SHISA7: variants seen among roughly 807,000 people sequenced by gnomAD.
SHISA7 encodes the protein protein shisa-7.
A neutral mutation model predicts 23.9 loss-of-function variants in SHISA7; 6 were observed. The ratio of observed to expected loss-of-function variants is 0.25; its 90% CI spans 0.14 to 0.50. SHISA7 has a LOEUF of 0.50. SHISA7 is among the 20% of genes least tolerant of loss of function. SHISA7 has a pLI of 0.98. For missense variants in SHISA7, 671 were observed against 801.1 expected (o/e 0.84, Z 1.96); for synonymous variants, 386 against 398.3 (o/e 0.97, Z 0.37).
At position 55,431,596 on chromosome 19, in the gene SHISA7, G is replaced by A. The variant is rs1300776794; in HGVS notation, c.*1560C>T. 6.6e-6 allele frequency: 1 copy of A among 152,194 alleles called. No homozygotes were observed. The highest frequency in any genetic ancestry group is 1.5e-5 in the Non-Finnish European group (1 of 68,042). 9.4% of individuals were successfully genotyped at this position (152,194 alleles called of 1,614,324 possible). A position where few individuals can be genotyped will look rare whatever the true frequency, so the allele number is the denominator to read the frequency against. Reference sequence around the variant, plus strand: ...GGGGAAGGATTCCATCCTCAGACATGGGTAACACTTGACCCCGGGTGTGGT... The same window carrying A: ...GGGGAAGGATTCCATCCTCAGACATAGGTAACACTTGACCCCGGGTGTGGT... On this transcript the variant is annotated 3_prime_UTR_variant, in exon 4 of 4. Coordinates refer to ENST00000376325, the MANE Select transcript of SHISA7 (RefSeq NM_001145176.2).
chr19:55,434,939 G>A (rs1324240550), intron 3 of SHISA7, among the ~76,000 whole-genome samples: 1 of 136,460 alleles, frequency 7.3e-6, no homozygotes, highest in African/African-American at 2.8e-5. Flanking sequence ...TATGTGGTGT[G>A]TGTATGGTGT....
intron 3 of SHISA7, among the ~76,000 whole-genome samples, chr19:55,434,305 GTGTGTGGTGT>G (rs1488015444): frequency 4.8e-3 from 493 of 103,296 alleles, no homozygotes; most frequent in African/African-American, 0.016. Flanking sequence ...TATGTGGTGT[GTGTGTGGTGT>G]GTGTGTGTGG....
Position 55,437,598 on chromosome 19 carries a change from G to C in SHISA7, c.976+7C>G. 1 of 1,550,418 alleles carries C rather than the reference G, an allele frequency of 6.4e-7. No homozygotes were observed. Among genetic ancestry groups the C allele is most frequent in the Non-Finnish European group, 8.7e-7 (1 of 1,146,344 alleles). On this transcript the variant is annotated splice_region_variant and intron_variant, in intron 3 of 3. Transcript: ENST00000376325. ...TTCACCGCCGCGCTGCCCTTGCCAG[G>C]ACTCACCCAGCCTCTTGAGGGAAGA...
At position 55,436,331 on chromosome 19, in the gene SHISA7, C is replaced by T. The variant is rs534999977; in HGVS notation, c.976+1274G>A. Among the ~76,000 whole-genome samples the T allele has an allele frequency of 2.4e-4, 36 of 151,256 alleles. No homozygotes were observed. In the South Asian group the frequency reaches 7.3e-3, roughly 31 times the overall value. On this transcript the variant is annotated intron_variant, in intron 3 of 3. Transcript: ENST00000376325. Reference sequence around the variant, plus strand: ...ATGAAACAAAACAAAAAACGCCGGGCATAGTGGCTCACGCCTTAATCCCAG... The same window carrying T: ...ATGAAACAAAACAAAAAACGCCGGGTATAGTGGCTCACGCCTTAATCCCAG...
At chr19:55,435,111 GTGGTGT>G (rs1265502276) in intron 3 of SHISA7, among the ~76,000 whole-genome samples, 2 of 51,620 alleles carry the variant, frequency 3.9e-5, no homozygotes, top group Non-Finnish European at 8.9e-5. Flanking sequence ...TGGTGTGTGT[GTGGTGT>G]GTGTGGTGTG....
At chr19:55,435,351 A>ATGGTGTGTG in intron 3 of SHISA7, among the ~76,000 whole-genome samples, 2 of 81,826 alleles carry the variant, frequency 2.4e-5, no homozygotes, top group South Asian at 4.1e-4. Context: ...TATGGTGTGT[A>ATGGTGTGTG]TGGTGTGTGT....
At chr19:55,439,696 G>A (rs1440763500) in intron 2 of SHISA7, among the ~76,000 whole-genome samples, 2 of 151,388 alleles carry the variant, frequency 1.3e-5, no homozygotes, top group African/African-American at 2.4e-5. Flanking sequence ...CCTCTCCCTC[G>A]GAGAAGCCCT....
chr19:55,434,870 GTGT>G (rs1985372092), intron 3 of SHISA7, among the ~76,000 whole-genome samples: 1 of 109,532 alleles, frequency 9.1e-6, no homozygotes, highest in Non-Finnish European at 1.9e-5. Context: ...TATGTGGTGT[GTGT>G]GGTGTGTGTG....
At chr19:55,438,571 G>A (rs752692181) in intron 2 of SHISA7, 29 of 1,304,204 alleles carry the variant, frequency 2.2e-5, no homozygotes, top group Admixed American at 2.3e-5. Context: ...CCAGTGTGGC[G>A]GCGTGGTGCT....
chr19:55,435,218 GTGTGTGTA>G (rs1412091048), intron 3 of SHISA7, among the ~76,000 whole-genome samples: 2 of 84,858 alleles, frequency 2.4e-5, no homozygotes, highest in Non-Finnish European at 4.6e-5. Context: ...TGTGTATGGT[GTGTGTGTA>G]TGTGTGTGTG....
chr19:55,434,006 CCG>C (rs1985286338), intron 3 of SHISA7, among the ~76,000 whole-genome samples: 4 of 151,636 alleles, frequency 2.6e-5, no homozygotes, highest in African/African-American at 9.7e-5. Flanking sequence ...TTCTTCCCCC[CCG>C]CGCCGCCTAT....
At chr19:55,434,865 GGT>G (rs1482305838) in intron 3 of SHISA7, among the ~76,000 whole-genome samples, 3 of 96,826 alleles carry the variant, frequency 3.1e-5, no homozygotes, top group Non-Finnish European at 6.1e-5. Context: ...GTGTATATGT[GGT>G]GTGTGTGGTG....
chr19:55,438,513 G>A (rs1329521360), intron 2 of SHISA7: 1 of 1,296,450 alleles, frequency 7.7e-7, no homozygotes, highest in East Asian at 5.6e-5. Flanking sequence ...CACAAAGGGG[G>A]AAGGGAAGGA....
intron 3 of SHISA7, among the ~76,000 whole-genome samples, chr19:55,434,823 G>T (rs1985364394): frequency 1.3e-5 from 1 of 74,882 alleles, no homozygotes; most frequent in Non-Finnish European, 2.5e-5. Context: ...TGGTGTGTAT[G>T]TGTGTGTGGT....
chr19:55,437,131 G>A lies in SHISA7; in HGVS notation c.976+474C>T, dbSNP rs549586943. Among the ~76,000 whole-genome samples the A allele has an allele frequency of 1.6e-4, 24 of 152,208 alleles. No homozygotes were observed. In the South Asian group the frequency reaches 4.6e-3, roughly 29 times the overall value. ...GAATTGTTGGGAGAGACTCTTTTCT[G>A]CCAGGGTCCCTGAGCTGGTAGAACG... On this transcript the variant is annotated intron_variant, in intron 3 of 3. Coordinates refer to ENST00000376325, the MANE Select transcript of SHISA7 (RefSeq NM_001145176.2).
Position 55,433,917 on chromosome 19 carries a change from C to G in SHISA7, c.977-121G>C. 8.3e-7 allele frequency: 1 copy of G among 1,201,786 alleles called. No individual in the cohort carries two copies. The highest frequency in any genetic ancestry group is 1.1e-6 in the Non-Finnish European group (1 of 931,870). 74.4% of individuals were successfully genotyped at this position (1,201,786 alleles called of 1,614,324 possible). A position where few individuals can be genotyped will look rare whatever the true frequency, so the allele number is the denominator to read the frequency against. On this transcript the variant is annotated intron_variant, in intron 3 of 3. Coordinates refer to ENST00000376325, the MANE Select transcript of SHISA7 (RefSeq NM_001145176.2). The surrounding 1 kb of genome is among the most constrained non-coding windows in gnomAD (Gnocchi z 8.4). ...GTGCCCCCACAAGGATCCTGGGCAT[C>G]AGGCTAGCTGTGAGGCCAAAATGCA...
rs1366696970 is a variant in SHISA7 at position 55,442,782 on chromosome 19, C to T, written c.82G>A (p.Glu28Lys). 9 of 1,244,678 alleles carry T rather than the reference C, an allele frequency of 7.2e-6. No individual in the cohort carries two copies. The highest frequency in any genetic ancestry group is 3.1e-4 in the Middle Eastern group (1 of 3,202). 77.1% of individuals were successfully genotyped at this position (1,244,678 alleles called of 1,614,324 possible). The change falls in exon 1 of 4, where the codon GAG (glutamate) becomes AAG (lysine). Residue 28 changes from glutamate (E) to lysine (K), a missense_variant. Physicochemically the swap from Glu to Lys is moderately conservative, Grantham distance 56 (BLOSUM62 1). Coordinates refer to ENST00000376325, the MANE Select transcript of SHISA7 (RefSeq NM_001145176.2). ...AGGGCGGGCAGCGGGCCCGCGGGCTCGGCGCTCGTGGCGTTGGACGGGCGC... is the reference window on the plus strand; with the variant it reads ...AGGGCGGGCAGCGGGCCCGCGGGCTTGGCGCTCGTGGCGTTGGACGGGCGC... ...RARPSNATSA[E>K]PAGPLPALLA...
intron 2 of SHISA7, 54 bp from the exon 3 acceptor site, chr19:55,437,808 G>A (rs528755101): frequency 6.6e-7 from 1 of 1,516,622 alleles, no homozygotes; most frequent in South Asian, 1.3e-5. Context: ...TCAGACCCAG[G>A]AGTCCAGGCC....
chr19:55,435,829 G>A (rs1023590255), intron 3 of SHISA7, among the ~76,000 whole-genome samples: 16 of 151,580 alleles, frequency 1.1e-4, no homozygotes, highest in South Asian at 4.2e-4. Context: ...ACAAAATGTG[G>A]CTAATTATTA....
Sources: gnomAD v4.1 joint callset for allele counts (sites outside exome capture counted in the v4.1 genomes callset) on GRCh38, gnomAD v4.1.1 for gene constraint, Gnocchi (gnomAD v3.1) non-coding constraint, MANE v1.5 for transcripts, NCBI Gene and HGNC (gene_info 2026-07-23, HGNC 2026-07-21) for gene names.